Variants in AKAP6 observed in about 807,000 individuals in gnomAD.
AKAP6 encodes the protein A-kinase anchor protein 6.
A neutral mutation model predicts 188.5 loss-of-function variants in AKAP6; 58 were observed. That is an observed-to-expected ratio of 0.31 (90% CI 0.25 to 0.38). The LOEUF (loss-of-function observed/expected upper bound fraction) is 0.38, where lower values mean the gene tolerates loss of function less well. AKAP6 is among the 10% of genes least tolerant of loss of function. AKAP6 has a pLI of 1.00. For missense variants in AKAP6, 2,710 were observed against 2,740.0 expected (o/e 0.99, Z 0.24); for synonymous variants, 989 against 998.6 (o/e 0.99, Z 0.18).
Position 32,824,807 on chromosome 14 carries a change from C to A in AKAP6, c.*34C>A. The stretch of plus-strand genomic sequence containing the variant: ...CCCTCCCCAAGCATGAAAATCATCT[C>A]ACTGAAAGGTACGTATAGTCCTCAT... On this transcript the variant is annotated 3_prime_UTR_variant, in exon 13 of 14. Coordinates refer to ENST00000280979, the MANE Select transcript of AKAP6 (RefSeq NM_004274.5). 6.3e-7 allele frequency: 1 copy of A among 1,586,848 alleles called. No homozygotes were observed. Among genetic ancestry groups the A allele is most frequent in the Non-Finnish European group, 8.6e-7 (1 of 1,168,726 alleles).
chr14:32,525,211 C>T (rs1882059136), intron 2 of AKAP6, among the ~76,000 whole-genome samples: 1 of 152,144 alleles, frequency 6.6e-6, no homozygotes, highest in South Asian at 2.1e-4. Flanking sequence ...ACAATTTCTC[C>T]AGTGTACAAT....
intron 12 of AKAP6, among the ~76,000 whole-genome samples, chr14:32,813,369 C>T (rs2034288818): frequency 6.7e-6 from 1 of 148,162 alleles, no homozygotes; most frequent in South Asian, 2.2e-4. Flanking sequence ...AGAGTAGTTA[C>T]AGTTTTCATC....
At chr14:32,675,746 A>G (rs950326330) in intron 7 of AKAP6, among the ~76,000 whole-genome samples, 2 of 152,226 alleles carry the variant, frequency 1.3e-5, no homozygotes, top group African/African-American at 4.8e-5. Context: ...GTGAGATATT[A>G]TGCAGTAAAA....
rs769084011 is a variant in AKAP6 at position 32,577,221 on chromosome 14, A to T, written c.2448A>T (p.Lys816Asn). Residue 816 changes from lysine (K) to asparagine (N), a missense_variant, in exon 5 of 14, where the codon AAA (lysine) becomes AAT (asparagine). Physicochemically the swap from Lys to Asn is moderately conservative, Grantham distance 94. Around this residue, in one of 2 missense-constraint regions of AKAP6, gnomAD observed 2,473 missense variants for 2,426.1 expected, o/e 1.02. Coordinates refer to ENST00000280979, the MANE Select transcript of AKAP6 (RefSeq NM_004274.5). ...CTAAAGCAGAGATGGATGACCTTAAACTGTATCTGGAGACACACTTGGTAG... is the reference window on the plus strand; with the variant it reads ...CTAAAGCAGAGATGGATGACCTTAATCTGTATCTGGAGACACACTTGGTAG... ...TPPKAEMDDL[K>N]LYLETHLSFK... 2.7e-5 allele frequency: 43 copies of T among 1,611,096 alleles called. No individual in the cohort carries two copies. Among genetic ancestry groups the T allele is most frequent in the Non-Finnish European group, 3.5e-5 (41 of 1,178,864 alleles).
rs368044369 is a variant in AKAP6, at chr14:32,836,154, C to G, written c.*6349C>G. 1 of 152,150 alleles carries G rather than the reference C, an allele frequency of 6.6e-6. No individual in the cohort carries two copies. The highest frequency in any genetic ancestry group is 1.9e-4 in the East Asian group (1 of 5,178). 9.4% of individuals were successfully genotyped at this position (152,150 alleles called of 1,614,324 possible). On this transcript the variant is annotated 3_prime_UTR_variant, in exon 14 of 14. Transcript: ENST00000280979. The stretch of plus-strand genomic sequence containing the variant: ...ACACAGGAGTTGGAATGTGTTCATA[C>G]GTGTAAGACTGTCTTAGTCTGCCCA...
chr14:32,462,652 GA>G (rs1891368677), intron 2 of AKAP6, among the ~76,000 whole-genome samples: 1 of 152,020 alleles, frequency 6.6e-6, no homozygotes, highest in South Asian at 2.1e-4. Flanking sequence ...ATTACACTAC[GA>G]AGAAACTGCA....
At chr14:32,715,217 A>G (rs1240772009) in intron 9 of AKAP6, among the ~76,000 whole-genome samples, 1 of 152,054 alleles carries the variant, frequency 6.6e-6, no homozygotes, top group Non-Finnish European at 1.5e-5. Context: ...CTCTTATTTT[A>G]TCACATATAT....
chr14:32,829,322 A>G (rs1436017822), intron 13 of AKAP6, among the ~76,000 whole-genome samples: 5 of 152,236 alleles, frequency 3.3e-5, no homozygotes, highest in African/African-American at 1.2e-4. Context: ...CACTTAGGAT[A>G]ATCACAATGT....
intron 2 of AKAP6, 117 bp from the exon 3 acceptor site, chr14:32,535,437 G>A (rs1052528338): frequency 5.7e-6 from 7 of 1,223,384 alleles, no homozygotes; most frequent in Admixed American, 2.2e-5. Context: ...GGTATCCAAT[G>A]TGCTACTGTT....
chr14:32,443,753 G>A (rs921592294), intron 2 of AKAP6, among the ~76,000 whole-genome samples: 1 of 152,176 alleles, frequency 6.6e-6, no homozygotes, highest in Non-Finnish European at 1.5e-5. Context: ...TATACGCAAA[G>A]GGAAGGAAGG....
At chr14:32,414,709 C>G (rs1188304161) in intron 1 of AKAP6, among the ~76,000 whole-genome samples, 1 of 152,090 alleles carries the variant, frequency 6.6e-6, no homozygotes, top group Non-Finnish European at 1.5e-5. Context: ...CTTATGTAGG[C>G]AGTGTTTATT....
chr14:32,358,712 G>A (rs186681024), intron 1 of AKAP6, among the ~76,000 whole-genome samples: 42 of 152,226 alleles, frequency 2.8e-4, no homozygotes, highest in African/African-American at 1.0e-3. Context: ...GGTGGTGGGT[G>A]GGTTTCCTCA....
chr14:32,748,066 A>C (rs1348156574), intron 11 of AKAP6, among the ~76,000 whole-genome samples: 1 of 152,212 alleles, frequency 6.6e-6, no homozygotes, highest in African/African-American at 2.4e-5. Flanking sequence ...GGCCTCTGAA[A>C]CCAGAGAATG....
intron 1 of AKAP6, among the ~76,000 whole-genome samples, chr14:32,415,783 A>G (rs1889637841): frequency 6.6e-6 from 1 of 152,172 alleles, no homozygotes; most frequent in South Asian, 2.1e-4. Flanking sequence ...GGAATCATAT[A>G]GTATTTATCT....
intron 5 of AKAP6, among the ~76,000 whole-genome samples, chr14:32,599,064 A>G (rs143117555): frequency 6.6e-6 from 1 of 152,274 alleles, no homozygotes; most frequent in East Asian, 1.9e-4. Flanking sequence ...GCTATCACTA[A>G]CATTTCTAAA....
At chr14:32,686,632 G>A (rs956113545) in intron 8 of AKAP6, among the ~76,000 whole-genome samples, 3 of 151,984 alleles carry the variant, frequency 2.0e-5, no homozygotes, top group Non-Finnish European at 4.4e-5. Flanking sequence ...AGTAGAAGAG[G>A]GATATGTAGA....
At chr14:32,354,426 TACCTAA>T (rs1887409934) in intron 1 of AKAP6, among the ~76,000 whole-genome samples, 1 of 134,378 alleles carries the variant, frequency 7.4e-6, no homozygotes, top group African/African-American at 3.1e-5. Flanking sequence ...ATAATTATAC[TACCTAA>T]ACTGGCAGTA....
intron 13 of AKAP6, among the ~76,000 whole-genome samples, chr14:32,825,116 A>T (rs986277948): frequency 6.6e-6 from 1 of 152,204 alleles, no homozygotes; most frequent in East Asian, 1.9e-4. Context: ...GAGGGAGAAT[A>T]AAAAGCTTAT....
intron 7 of AKAP6, among the ~76,000 whole-genome samples, chr14:32,651,492 A>G (rs921748635): frequency 3.3e-5 from 5 of 152,172 alleles, no homozygotes; most frequent in Non-Finnish European, 1.5e-5. Flanking sequence ...ATTTTCTCAC[A>G]GTCTGGAAGC....
Sources: gnomAD v4.1 joint callset for allele counts (sites outside exome capture counted in the v4.1 genomes callset) on GRCh38, gnomAD v4.1.1 for gene constraint, gnomAD v4.1.1 regional missense constraint, MANE v1.5 for transcripts, NCBI Gene and HGNC (gene_info 2026-07-23, HGNC 2026-07-21) for gene names.